Variants in ELAVL2 observed in about 807,000 individuals in gnomAD.
ELAVL2 encodes the protein ELAV-like protein 2.
A neutral mutation model predicts 34.6 loss-of-function variants in ELAVL2; 4 were observed. The ratio of observed to expected loss-of-function variants is 0.12; its 90% confidence interval spans 0.06 to 0.26. ELAVL2 has a LOEUF of 0.26. ELAVL2 is among the 10% of genes least tolerant of loss of function. The pLI is 1.00. For missense variants in ELAVL2, 432 were observed against 442.8 expected, an observed-to-expected ratio of 0.98 and a Z score of 0.22; for synonymous variants, 193 against 154.8, an observed-to-expected ratio of 1.25 and a Z score of -1.83.
At chr9:23,703,823 A>C (rs2133286153) in intron 4 of ELAVL2, among the ~76,000 whole-genome samples, 1 of 152,300 alleles carries the variant, frequency 6.6e-6, no homozygotes, top group South Asian at 2.1e-4. Flanking sequence ...ACAAATCTTC[A>C]TGTGGCTGCT....
chr9:23,792,968 G>A (rs1256989059), intron 1 of ELAVL2, among the ~76,000 whole-genome samples: 1 of 151,840 alleles, frequency 6.6e-6, no homozygotes, highest in East Asian at 1.9e-4. Flanking sequence ...TAGACACAGG[G>A]TCCTCACTAT....
chr9:23,748,856 T>C (rs1167559031), intron 2 of ELAVL2, among the ~76,000 whole-genome samples: 1 of 152,116 alleles, frequency 6.6e-6, no homozygotes, highest in African/African-American at 2.4e-5. Flanking sequence ...ACAATTATCA[T>C]AATTTACTTT....
intron 1 of ELAVL2, among the ~76,000 whole-genome samples, chr9:23,802,819 A>G (rs1041169890): frequency 3.3e-5 from 5 of 152,240 alleles, no homozygotes; most frequent in African/African-American, 1.2e-4. Flanking sequence ...TGTAAAATGT[A>G]AAACTATGCC....
intron 1 of ELAVL2, among the ~76,000 whole-genome samples, chr9:23,788,234 G>A (rs1020190840): frequency 2.6e-5 from 4 of 152,204 alleles, no homozygotes; most frequent in African/African-American, 9.7e-5. Context: ...AACAGAGCTT[G>A]CTGAGCAATC....
Position 23,707,135 on chromosome 9 carries a change from C to A in ELAVL2, c.334-2064G>T, listed in dbSNP as rs138947406. On this transcript the variant is annotated intron_variant, in intron 3 of 6. Coordinates refer to ENST00000397312, the MANE Select transcript of ELAVL2 (RefSeq NM_004432.5). ...TTCTCTATGCCTAAATACTTAAGAA[C>A]AATGAAGACTGGGGAACTTAAATGT... is the stretch of plus-strand genomic sequence containing the variant. Among the ~76,000 whole-genome samples, 203 of 152,218 alleles carry A rather than the reference C, an allele frequency of 1.3e-3. 1 individual carries two copies. The highest frequency in any genetic ancestry group is 4.8e-3 in the African/African-American group (198 of 41,512).
At chr9:23,733,011 T>C (rs1057138310) in intron 2 of ELAVL2, among the ~76,000 whole-genome samples, 7 of 151,850 alleles carry the variant, frequency 4.6e-5, no homozygotes, top group African/African-American at 1.5e-4. Context: ...GCAATACAAA[T>C]ATAGTTTTGT....
intron 3 of ELAVL2, among the ~76,000 whole-genome samples, chr9:23,718,504 G>T (rs906408786): frequency 1.3e-5 from 2 of 152,264 alleles, no homozygotes; most frequent in Admixed American, 1.3e-4. Flanking sequence ...TTAAAAAGCA[G>T]TAACAGCAAA....
intron 1 of ELAVL2, 126 bp from the exon 2 acceptor site, chr9:23,762,375 A>C (rs2136033584): frequency 7.9e-7 from 1 of 1,261,900 alleles, no homozygotes; most frequent in African/African-American, 1.5e-5. Flanking sequence ...CAATGCTTCA[A>C]CAAAAAGTGT....
At chr9:23,766,034 T>C (rs1219970942) in intron 1 of ELAVL2, among the ~76,000 whole-genome samples, 1 of 152,190 alleles carries the variant, frequency 6.6e-6, no homozygotes, top group East Asian at 1.9e-4. Flanking sequence ...TCAGAAAACT[T>C]AGTTTCTAAA....
At chr9:23,696,212 T>C (rs1410962606) in intron 5 of ELAVL2, among the ~76,000 whole-genome samples, 1 of 151,810 alleles carries the variant, frequency 6.6e-6, no homozygotes, top group Non-Finnish European at 1.5e-5. Context: ...TGAAGCCCCC[T>C]GACTGTATGC....
the ELAVL2 span, among the ~76,000 whole-genome samples, chr9:23,839,731 C>A: frequency 6.6e-5 from 10 of 152,154 alleles, no homozygotes; most frequent in African/African-American, 2.4e-4. Context: ...TTTATAGCAG[C>A]TCCTTGAGTT....
At chr9:23,797,016 C>T (rs991804079) in intron 1 of ELAVL2, among the ~76,000 whole-genome samples, 1 of 152,122 alleles carries the variant, frequency 6.6e-6, no homozygotes, top group African/African-American at 2.4e-5. Flanking sequence ...AACTCACAAG[C>T]ATGACATGGT....
intron 2 of ELAVL2, among the ~76,000 whole-genome samples, chr9:23,747,864 T>C (rs1317279218): frequency 1.3e-5 from 2 of 152,112 alleles, no homozygotes; most frequent in African/African-American, 4.8e-5. Context: ...CCAACATGCA[T>C]TTGGCTGATG....
At chr9:23,820,046 C>T (rs971805177) in intron 1 of ELAVL2, among the ~76,000 whole-genome samples, 1 of 151,758 alleles carries the variant, frequency 6.6e-6, no homozygotes, top group African/African-American at 2.4e-5. Flanking sequence ...GTTACTAAGA[C>T]AAGGTAGATG....
intron 3 of ELAVL2, among the ~76,000 whole-genome samples, chr9:23,709,670 G>A (rs1324674658): frequency 1.3e-5 from 2 of 152,136 alleles, no homozygotes; most frequent in Admixed American, 1.3e-4. Flanking sequence ...GGTCAAAATA[G>A]CCTCTTTCTC....
At chr9:23,706,994 T>C (rs1467127490) in intron 3 of ELAVL2, among the ~76,000 whole-genome samples, 1 of 152,248 alleles carries the variant, frequency 6.6e-6, no homozygotes, top group Non-Finnish European at 1.5e-5. Flanking sequence ...AATATACCTG[T>C]TGTTCCAAAG....
At chr9:23,743,218 C>A (rs543042021) in intron 2 of ELAVL2, among the ~76,000 whole-genome samples, 2 of 152,278 alleles carry the variant, frequency 1.3e-5, no homozygotes, top group South Asian at 2.1e-4. Flanking sequence ...CTACAGCAAA[C>A]CACTCTGAGA....
chr9:23,818,758 G>A (rs888814976), intron 1 of ELAVL2, among the ~76,000 whole-genome samples: 3 of 152,188 alleles, frequency 2.0e-5, no homozygotes, highest in Non-Finnish European at 2.9e-5. Context: ...CATCAAATGG[G>A]AGCGAAAATA....
At chr9:23,720,553 A>C (rs1204905130) in intron 3 of ELAVL2, among the ~76,000 whole-genome samples, 1 of 152,208 alleles carries the variant, frequency 6.6e-6, no homozygotes, top group African/African-American at 2.4e-5. Flanking sequence ...TTATGCTAGC[A>C]TAATTGTAAT....
Sources: gnomAD v4.1 joint callset for allele counts (sites outside exome capture counted in the v4.1 genomes callset) on GRCh38, gnomAD v4.1.1 for gene constraint, MANE v1.5 for transcripts, NCBI Gene and HGNC (gene_info 2026-07-23, HGNC 2026-07-21) for gene names.